The following LEMD2 variants were observed in gnomAD, a reference collection of about 807,000 sequenced individuals.
LEMD2 encodes the protein LEM domain-containing protein 2.
In LEMD2, 34 loss-of-function variants were observed where a neutral mutation model predicts 58.8. The ratio of observed to expected loss-of-function variants is 0.58; its 90% CI spans 0.44 to 0.77. The LOEUF (loss-of-function observed/expected upper bound fraction) is 0.77, where lower values mean the gene tolerates loss of function less well. Among genes scored for constraint, LEMD2 ranks in the 30% least tolerant of loss-of-function variants. LEMD2 has a pLI of 0.00. For missense variants in LEMD2, 629 were observed against 717.9 expected, an observed-to-expected ratio of 0.88 and a Z score of 1.42; for synonymous variants, 298 against 308.9, an observed-to-expected ratio of 0.96 and a Z score of 0.37.
chr6:33,773,015 G>A (rs868028617), intron 8 of LEMD2, among the ~76,000 whole-genome samples: 30 of 152,228 alleles, frequency 2.0e-4, no homozygotes, highest in African/African-American at 7.0e-4. Flanking sequence ...CTAAAGGGCC[G>A]AGGTGTCTGG....
intron 6 of LEMD2, among the ~76,000 whole-genome samples, 158 bp from the exon 7 acceptor site, chr6:33,777,397 A>G (rs538153189): frequency 9.8e-5 from 15 of 152,292 alleles, no homozygotes; most frequent in Admixed American, 1.3e-4. Flanking sequence ...GAAACAAAAG[A>G]TACAGAAATG....
intron 8 of LEMD2, among the ~76,000 whole-genome samples, chr6:33,774,998 T>A (rs574222615): frequency 3.9e-3 from 563 of 142,728 alleles, no homozygotes; most frequent in African/African-American, 0.013. Flanking sequence ...GAATGAATGA[T>A]AGTCTCTTCG....
chr6:33,780,175 A>C lies in LEMD2; in HGVS notation c.935T>G (p.Val312Gly). 1 of 1,587,834 alleles carries C rather than the reference A, an allele frequency of 6.3e-7. No individual in the cohort carries two copies. The change falls in exon 5 of 9, where the codon GTG (valine) becomes GGG (glycine). Residue 312 changes from valine to glycine, a missense_variant. Transcript: ENST00000293760. ...AAACTTGGCGGAGGAGCTGCTGGTCACATTCTGTGGGAGGGCGCGGGAGAA... is the reference window on the plus strand; with the variant it reads ...AAACTTGGCGGAGGAGCTGCTGGTCCCATTCTGTGGGAGGGCGCGGGAGAA... Reference protein sequence around the residue: ...VMEAQEYIANVTSSSSAKFEA... With the variant: ...VMEAQEYIANGTSSSSAKFEA...
chr6:33,788,352 G>A (rs1051551093), intron 1 of LEMD2, 29 bp downstream of exon 1: 3 of 1,523,942 alleles, frequency 2.0e-6, no homozygotes, highest in Admixed American at 1.9e-5. Context: ...CGCGCCCAGG[G>A]CCCTCCCCTG....
chr6:33,773,128 G>A (rs578156057), intron 8 of LEMD2, among the ~76,000 whole-genome samples: 4 of 152,264 alleles, frequency 2.6e-5, no homozygotes, highest in South Asian at 2.1e-4. Flanking sequence ...CCAGTACCCC[G>A]CCAACTGCAT....
intron 8 of LEMD2, among the ~76,000 whole-genome samples, chr6:33,774,302 G>C (rs991506728): frequency 4.0e-5 from 6 of 151,810 alleles, no homozygotes; most frequent in Admixed American, 1.3e-4. Context: ...CTCCCGAGTA[G>C]CTGGGACTAC....
intron 3 of LEMD2, chr6:33,781,486 A>C: frequency 4.3e-6 from 1 of 233,784 alleles, no homozygotes; most frequent in East Asian, 9.7e-5. Flanking sequence ...CTATAAATAA[A>C]CACAGCCTGA....
Position 33,778,503 on chromosome 6 carries a change from T to G in LEMD2, c.1011-116A>C, listed in dbSNP as rs1767489976. ...GTGGGGACGCAAGGCCTCTACTTGC[T>G]TATAGAATAGGCTTGGTATCCTGGC... On this transcript the variant is annotated intron_variant, in intron 5 of 8. Transcript: ENST00000293760. This position sits in a 1 kb window ranked among gnomAD's most constrained non-coding sequence, Gnocchi z 4.7. The G allele has an allele frequency of 8.0e-6, 6 of 749,874 alleles. No homozygotes were observed. The highest frequency in any genetic ancestry group is 1.2e-5 in the Non-Finnish European group (6 of 494,928). The allele number at this position is 749,874 out of a possible 1,614,324, so 46.5% of individuals were successfully genotyped here. A position where few individuals can be genotyped will look rare whatever the true frequency, so the allele number is the denominator to read the frequency against.
At chr6:33,786,020 G>A (rs1428535779) in intron 2 of LEMD2, among the ~76,000 whole-genome samples, 3 of 152,156 alleles carry the variant, frequency 2.0e-5, no homozygotes, top group Non-Finnish European at 4.4e-5. Context: ...CTAAGGACTT[G>A]GGAGGCCAGG....
At position 33,789,077 on chromosome 6, in the gene LEMD2, G is replaced by A. The variant is rs369248319; in HGVS notation, c.40C>T (p.Gln14Ter). The A allele has an allele frequency of 1.3e-6, 2 of 1,542,096 alleles. No homozygotes were observed. Among genetic ancestry groups the A allele is most frequent in the South Asian group, 1.2e-5 (1 of 84,972 alleles). Residue 14 changes from glutamine (Q) to a stop codon, truncating the protein, a stop_gained, in exon 1 of 9, where the codon CAG (glutamine) becomes TAG (stop). Transcript: ENST00000293760. LOFTEE classifies it high-confidence loss of function. ...GGTCCTGGCTGGAAGCCCAGGGCCT[G>A]CAGCTCCCGCCGCAGTTCCAGGTCC... ...LSDLELRREL[Q>*]ALGFQPGPIT...
At chr6:33,777,316 T>C in intron 6 of LEMD2, 77 bp from the exon 7 acceptor site, 1 of 990,724 alleles carries the variant, frequency 1.0e-6, no homozygotes, top group East Asian at 2.4e-5. Context: ...GATGCTGTGA[T>C]GGATGCTGTG....
At position 33,775,984 on chromosome 6, in the gene LEMD2, G is replaced by C. The variant is rs143667613; in HGVS notation, c.1361+970C>G. Among the ~76,000 whole-genome samples the C allele has an allele frequency of 5.5e-3, 832 of 152,204 alleles. 6 individuals are homozygous for C. The highest frequency in any genetic ancestry group is 0.018 in the African/African-American group (753 of 41,524). ...GGGACCACAACCAGAGCCAACACTG[G>C]GGGGGGCCCTGCTGGCTGTCTCCTG... is the stretch of plus-strand genomic sequence containing the variant. On this transcript the variant is annotated intron_variant, in intron 8 of 8. Transcript: ENST00000293760.
rs372815951 is a variant in LEMD2 at position 33,773,558 on chromosome 6, G to A, written c.1362-780C>T. On this transcript the variant is annotated intron_variant, in intron 8 of 8. Transcript: ENST00000293760. ...GAGTGTGTACGCATGGGAGCAGAAG[G>A]GGAGGACAAACGGAGGTGGCCAGTG... 7.3e-5 allele frequency among the ~76,000 whole-genome samples: 11 copies of A among 151,450 alleles called. No individual in the cohort carries two copies. The East Asian group carries it at 1.4e-3, about 19-fold the overall frequency.
At chr6:33,788,080 A>C (rs1471893588) in intron 1 of LEMD2, among the ~76,000 whole-genome samples, 1 of 152,248 alleles carries the variant, frequency 6.6e-6, no homozygotes, top group African/African-American at 2.4e-5. Flanking sequence ...CTTCCTCTCC[A>C]GGGAGAAAAC....
intron 3 of LEMD2, among the ~76,000 whole-genome samples, 154 bp downstream of exon 3, chr6:33,784,198 G>A (rs997626424): frequency 6.6e-6 from 1 of 152,232 alleles, no homozygotes; most frequent in African/African-American, 2.4e-5. Flanking sequence ...GAGTGAGGAG[G>A]CGAGAAGGTG....
rs771489167 is a variant in LEMD2, at chr6:33,780,123, G to A, written c.987C>T (p.Ser329=). The A allele has an allele frequency of 1.6e-5, 26 of 1,594,874 alleles. No individual in the cohort carries two copies. The highest frequency in any genetic ancestry group is 1.4e-4 in the Admixed American group (8 of 57,754). ...KFEAALTWIL[S]SNKDVGIWLK... is the part of the protein sequence containing the mutation. ...ACCAGATGCCCACGTCCTTGTTACTGCTCAGTATCCAGGTCAGTGCGGCTT... is the reference window on the plus strand; with the variant it reads ...ACCAGATGCCCACGTCCTTGTTACTACTCAGTATCCAGGTCAGTGCGGCTT... Residue 329 remains serine, a synonymous_variant, in exon 5 of 9, where the codon AGC becomes AGT. Transcript: ENST00000293760.
Position 33,772,752 on chromosome 6 carries a change from C to T in LEMD2, c.1388G>A (p.Arg463Gln), listed in dbSNP as rs748521374. The T allele has an allele frequency of 3.7e-6, 6 of 1,613,786 alleles. No individual in the cohort carries two copies. Among genetic ancestry groups the T allele is most frequent in the Non-Finnish European group, 3.4e-6 (4 of 1,179,940 alleles). ...GTTGGAGGCCAGGAACTCCACAGCT[C>T]GGTCCCAGACACGCTTCATGCGCCT... Reference protein sequence around the residue: ...SRRRMKRVWDRAVEFLASNES... With the variant: ...SRRRMKRVWDQAVEFLASNES... The change falls in exon 9 of 9, where the codon CGA becomes CAA. Residue 463 changes from arginine (R) to glutamine (Q), a missense_variant. Around this residue, in one of 2 missense-constraint regions of LEMD2, gnomAD observed 243 missense variants for 336.8 expected, o/e 0.72. Coordinates refer to ENST00000293760, the MANE Select transcript of LEMD2 (RefSeq NM_181336.4).
intron 8 of LEMD2, 104 bp from the exon 9 acceptor site, chr6:33,772,882 T>G (rs542639277): frequency 1.7e-4 from 186 of 1,092,844 alleles, no homozygotes; most frequent in Non-Finnish European, 2.3e-4. Context: ...GGCATGGAAT[T>G]TATGTAAGAG....
rs77367600 is a variant in LEMD2, at chr6:33,775,842, G to A, written c.1361+1112C>T. 3.3e-4 allele frequency among the ~76,000 whole-genome samples: 51 copies of A among 152,358 alleles called. No homozygotes were observed. The East Asian group carries it at 9.8e-3, about 29-fold the overall frequency. On this transcript the variant is annotated intron_variant, in intron 8 of 8. Transcript: ENST00000293760. ...GGACCAAGTGAGTGAGTTTGCATCT[G>A]TGGAGAGCTCCAAGTAGTGCCCGGC...
Sources: gnomAD v4.1 joint callset for allele counts (sites outside exome capture counted in the v4.1 genomes callset) on GRCh38, gnomAD v4.1.1 for gene constraint, gnomAD v4.1.1 regional missense constraint, Gnocchi (gnomAD v3.1) non-coding constraint, MANE v1.5 for transcripts, NCBI Gene and HGNC (gene_info 2026-07-23, HGNC 2026-07-21) for gene names.